The following DPP10 variants were observed in gnomAD, a reference collection of about 807,000 sequenced individuals.
DPP10 encodes the protein inactive dipeptidyl peptidase 10.
DPP10 carries 33 observed loss-of-function variants against 120.9 expected under a neutral mutation model. That is an observed-to-expected ratio of 0.27 (90% CI 0.21 to 0.37). The LOEUF (loss-of-function observed/expected upper bound fraction) is 0.37. DPP10 is among the 10% of genes least tolerant of loss of function. DPP10 has a pLI of 1.00. For synonymous variants in DPP10, 337 were observed against 326.1 expected (o/e 1.03, Z -0.36); for missense variants, 816 against 942.8 (o/e 0.87, Z 1.76).
intron 11 of DPP10, among the ~76,000 whole-genome samples, chr2:115,754,296 A>C (rs1323988647): frequency 2.6e-5 from 4 of 152,162 alleles, no homozygotes; most frequent in Non-Finnish European, 4.4e-5. Context: ...CCAGCAATCT[A>C]TGGAGAGGAC....
At chr2:114,498,242 C>CAAT (rs1026242508) in intron 1 of DPP10, among the ~76,000 whole-genome samples, 23 of 152,096 alleles carry the variant, frequency 1.5e-4, no homozygotes, top group African/African-American at 5.6e-4. Flanking sequence ...CCCTAATGGG[C>CAAT]AATAGATCTC....
At chr2:115,296,126 C>T (rs1285071859) in intron 1 of DPP10, among the ~76,000 whole-genome samples, 1 of 152,054 alleles carries the variant, frequency 6.6e-6, no homozygotes, top group Non-Finnish European at 1.5e-5. Context: ...AAAAATGGCA[C>T]TTGCTCTGGA....
At chr2:115,782,915 T>C (rs1682941023) in intron 17 of DPP10, among the ~76,000 whole-genome samples, 1 of 152,136 alleles carries the variant, frequency 6.6e-6, no homozygotes, top group Non-Finnish European at 1.5e-5. Flanking sequence ...TCACCTACTT[T>C]TGTCAAACAA....
intron 5 of DPP10, among the ~76,000 whole-genome samples, chr2:115,575,353 G>T (rs1205625388): frequency 6.6e-6 from 1 of 152,134 alleles, no homozygotes; most frequent in South Asian, 2.1e-4. Context: ...TTTAGAGTTT[G>T]AATTTGAAAA....
chr2:114,756,251 C>T (rs1044756220), intron 1 of DPP10, among the ~76,000 whole-genome samples: 4 of 152,122 alleles, frequency 2.6e-5, no homozygotes, highest in Admixed American at 6.5e-5. Flanking sequence ...GAAAGACATG[C>T]ATACAAGTTA....
intron 1 of DPP10, among the ~76,000 whole-genome samples, chr2:115,000,776 T>G (rs955816065): frequency 6.6e-6 from 1 of 152,204 alleles, no homozygotes; most frequent in African/African-American, 2.4e-5. Flanking sequence ...CCTACCCATA[T>G]GTTGAACGTT....
Position 115,788,437 on chromosome 2 carries a change from G to A in DPP10, c.1532-2644G>A, listed in dbSNP as rs2149898538. Among the ~76,000 whole-genome samples the A allele has an allele frequency of 1.3e-5, 2 of 152,260 alleles. 1 individual carries two copies. Among genetic ancestry groups the A allele is most frequent in the Non-Finnish European group, 2.9e-5 (2 of 68,008 alleles). On this transcript the variant is annotated intron_variant, in intron 17 of 25. Transcript: ENST00000410059. Reference sequence around the variant, plus strand: ...AAATGATATTGAACATAGACTAGCAGTAGAGAAAATGTATGAAACCAAAAG... The same window carrying A: ...AAATGATATTGAACATAGACTAGCAATAGAGAAAATGTATGAAACCAAAAG...
chr2:115,668,253 G>T (rs898479864), intron 5 of DPP10, among the ~76,000 whole-genome samples: 5 of 146,278 alleles, frequency 3.4e-5, no homozygotes, highest in Middle Eastern at 3.4e-3. Context: ...AAATTTAATT[G>T]CCATTTTAAC....
intron 1 of DPP10, among the ~76,000 whole-genome samples, chr2:114,666,085 A>G (rs73946202): frequency 0.012 from 1,826 of 152,312 alleles, 37 homozygotes; most frequent in African/African-American, 0.042. Flanking sequence ...ATTGGTACTT[A>G]CTTTATATCT....
intron 5 of DPP10, among the ~76,000 whole-genome samples, chr2:115,596,085 T>A (rs2082969746): frequency 2.0e-5 from 3 of 152,170 alleles, no homozygotes; most frequent in African/African-American, 7.2e-5. Context: ...GAGGCATAGC[T>A]AGGCCAAGAA....
At chr2:115,792,719 G>T (rs1355728167) in intron 19 of DPP10, among the ~76,000 whole-genome samples, 3 of 152,022 alleles carry the variant, frequency 2.0e-5, no homozygotes, top group African/African-American at 4.8e-5. Context: ...ACTAAAACGA[G>T]ACAAAAAGAA....
chr2:114,834,275 A>G (rs1181926151), intron 1 of DPP10, among the ~76,000 whole-genome samples: 1 of 151,378 alleles, frequency 6.6e-6, no homozygotes, highest in African/African-American at 2.4e-5. Flanking sequence ...CTACACACCT[A>G]TGTATATATA....
At chr2:114,538,048 T>C (rs909615614) in intron 1 of DPP10, among the ~76,000 whole-genome samples, 2 of 152,192 alleles carry the variant, frequency 1.3e-5, no homozygotes. Context: ...CCAGGAGAAT[T>C]GGTGTTTTTA....
chr2:114,523,315 G>A (rs780425777), intron 1 of DPP10, among the ~76,000 whole-genome samples: 2 of 152,130 alleles, frequency 1.3e-5, no homozygotes, highest in African/African-American at 4.8e-5. Context: ...GATAAATAGG[G>A]GTGTAACTTT....
At chr2:115,732,304 AT>A (rs1191238544) in intron 8 of DPP10, among the ~76,000 whole-genome samples, 2 of 152,214 alleles carry the variant, frequency 1.3e-5, no homozygotes, top group Admixed American at 1.3e-4. Context: ...GCATGTCTTA[AT>A]CTTTTAAGAC....
At chr2:115,740,393 T>G (rs1677106897) in intron 9 of DPP10, among the ~76,000 whole-genome samples, 1 of 151,874 alleles carries the variant, frequency 6.6e-6, no homozygotes, top group South Asian at 2.1e-4. Context: ...GCATAAAGAA[T>G]CTCCAGTCTG....
chr2:115,553,908 T>A (rs2080036871), intron 5 of DPP10, among the ~76,000 whole-genome samples: 2 of 151,604 alleles, frequency 1.3e-5, no homozygotes, highest in African/African-American at 4.8e-5. Context: ...TTATTTAAAC[T>A]GAATTATTCA....
chr2:114,788,024 A>G (rs1305659440), intron 1 of DPP10, among the ~76,000 whole-genome samples: 3 of 152,210 alleles, frequency 2.0e-5, no homozygotes, highest in Non-Finnish European at 4.4e-5. Flanking sequence ...ACATATTATC[A>G]TGTCATCATC....
At chr2:114,994,923 GTGAGA>G (rs1558966474) in intron 1 of DPP10, among the ~76,000 whole-genome samples, 4 of 152,034 alleles carry the variant, frequency 2.6e-5, no homozygotes, top group African/African-American at 4.8e-5. Flanking sequence ...GAATTTTTGT[GTGAGA>G]CAAAAGGAAA....
Sources: gnomAD v4.1 joint callset for allele counts (sites outside exome capture counted in the v4.1 genomes callset) on GRCh38, gnomAD v4.1.1 for gene constraint, MANE v1.5 for transcripts, NCBI Gene and HGNC (gene_info 2026-07-23, HGNC 2026-07-21) for gene names.